GBE1: variants seen among roughly 807,000 people sequenced by gnomAD.
GBE1 encodes the protein 1,4-alpha-glucan-branching enzyme.
GBE1 carries 70 observed loss-of-function variants against 88.8 expected under a neutral mutation model. The ratio of observed to expected loss-of-function variants is 0.79; its 90% CI spans 0.65 to 0.96. The LOEUF (loss-of-function observed/expected upper bound fraction) is 0.96. Ranked by LOEUF, GBE1 falls within the 40% of genes least tolerant of loss-of-function variation. The pLI, the probability that GBE1 is intolerant of heterozygous loss-of-function variation, is 0.00. For missense variants in GBE1, 872 were observed against 871.0 expected, an observed-to-expected ratio of 1.00 and a Z score of -0.01; for synonymous variants, 284 against 300.1, an observed-to-expected ratio of 0.95 and a Z score of 0.56.
chr3:81,756,537 A>C (rs947142406), intron 1 of GBE1, among the ~76,000 whole-genome samples: 1 of 152,236 alleles, frequency 6.6e-6, no homozygotes, highest in Non-Finnish European at 1.5e-5. Context: ...TTATGAGAGC[A>C]AACAATCTAG....
At chr3:81,572,582 C>A (rs922556680) in intron 12 of GBE1, among the ~76,000 whole-genome samples, 2 of 151,868 alleles carry the variant, frequency 1.3e-5, no homozygotes, top group Non-Finnish European at 2.9e-5. Context: ...TACATTCTAC[C>A]TTGCCTGTCA....
chr3:81,611,799 A>G (rs528171430), intron 7 of GBE1, among the ~76,000 whole-genome samples: 1 of 152,322 alleles, frequency 6.6e-6, no homozygotes, highest in Non-Finnish European at 1.5e-5. Context: ...CAAGCATATA[A>G]TGAATAGCAT....
intron 1 of GBE1, among the ~76,000 whole-genome samples, chr3:81,748,028 G>A (rs1465210566): frequency 1.3e-5 from 2 of 152,300 alleles, no homozygotes; most frequent in African/African-American, 2.4e-5. Context: ...GTTGAAGCAG[G>A]AGAATCATTT....
intron 2 of GBE1, among the ~76,000 whole-genome samples, chr3:81,690,793 T>C (rs1183246524): frequency 6.6e-6 from 1 of 152,192 alleles, no homozygotes; most frequent in Non-Finnish European, 1.5e-5. Flanking sequence ...CTTTATCATC[T>C]TGCTGTTTTC....
rs958922156 is a variant in GBE1 at position 81,733,933 on chromosome 3, G to A, written c.143+27442C>T. Among the ~76,000 whole-genome samples the A allele has an allele frequency of 2.6e-5, 4 of 152,126 alleles. No individual in the cohort carries two copies. Among genetic ancestry groups the A allele is most frequent in the African/African-American group, 7.2e-5 (3 of 41,426 alleles). On this transcript the variant is annotated intron_variant, in intron 1 of 15. Coordinates refer to ENST00000429644, the MANE Select transcript of GBE1 (RefSeq NM_000158.4). This position sits in a 1 kb window ranked among gnomAD's most constrained non-coding sequence, Gnocchi z 4.0. The stretch of plus-strand genomic sequence containing the variant: ...CTGTTTCTACACTTGAACAAAAGGT[G>A]AGAGTTGTACAAATTTGCCTTTCCT...
intron 1 of GBE1, among the ~76,000 whole-genome samples, chr3:81,717,545 T>A (rs960318218): frequency 6.6e-6 from 1 of 152,134 alleles, no homozygotes; most frequent in African/African-American, 2.4e-5. Context: ...TCAAACACTG[T>A]CAAAAATGCT....
At chr3:81,699,033 A>G (rs889048618) in intron 2 of GBE1, among the ~76,000 whole-genome samples, 1 of 151,338 alleles carries the variant, frequency 6.6e-6, no homozygotes, top group Non-Finnish European at 1.5e-5. Context: ...ACTTCTCAGC[A>G]TAGGTACTGG....
At chr3:81,691,935 C>T (rs1246248685) in intron 2 of GBE1, among the ~76,000 whole-genome samples, 1 of 152,122 alleles carries the variant, frequency 6.6e-6, no homozygotes, top group African/African-American at 2.4e-5. Context: ...GGATCTGTAA[C>T]GAGTTGACGG....
chr3:81,497,945 G>C (rs1206908957), intron 15 of GBE1, among the ~76,000 whole-genome samples: 1 of 152,112 alleles, frequency 6.6e-6, no homozygotes, highest in Non-Finnish European at 1.5e-5. Context: ...ATTCCTTTAA[G>C]AATGTGATAG....
At chr3:81,636,728 C>G (rs1379342986) in intron 7 of GBE1, among the ~76,000 whole-genome samples, 1 of 152,004 alleles carries the variant, frequency 6.6e-6, no homozygotes, top group Non-Finnish European at 1.5e-5. Context: ...CAGGGTTTCT[C>G]TATATTGGTC....
chr3:81,512,432 T>A (rs973668889), intron 14 of GBE1, among the ~76,000 whole-genome samples: 1 of 151,896 alleles, frequency 6.6e-6, no homozygotes, highest in South Asian at 2.1e-4. Context: ...TCCACTAACA[T>A]TCATCTGTGC....
At chr3:81,551,000 C>G (rs1703264505) in intron 12 of GBE1, among the ~76,000 whole-genome samples, 1 of 152,146 alleles carries the variant, frequency 6.6e-6, no homozygotes, top group Non-Finnish European at 1.5e-5. Flanking sequence ...CTCTTGGGGT[C>G]TGTATAGGGA....
intron 12 of GBE1, among the ~76,000 whole-genome samples, chr3:81,569,112 C>G (rs1365772635): frequency 1.3e-5 from 2 of 152,008 alleles, no homozygotes; most frequent in Non-Finnish European, 2.9e-5. Context: ...TTTTATGGAA[C>G]ATTTATATTT....
At chr3:81,731,957 A>C (rs933932245) in intron 1 of GBE1, among the ~76,000 whole-genome samples, 2 of 152,082 alleles carry the variant, frequency 1.3e-5, no homozygotes, top group Non-Finnish European at 2.9e-5. Flanking sequence ...CTTAATTCCC[A>C]AAAAAACACT....
intron 11 of GBE1, among the ~76,000 whole-genome samples, chr3:81,580,527 A>C (rs1265436944): frequency 6.6e-6 from 1 of 152,144 alleles, no homozygotes; most frequent in Admixed American, 6.6e-5. Context: ...GGGATTTCAA[A>C]GTATTGAAGA....
intron 2 of GBE1, among the ~76,000 whole-genome samples, chr3:81,703,857 G>A (rs142650636): frequency 2.0e-5 from 3 of 151,960 alleles, no homozygotes; most frequent in African/African-American, 7.2e-5. Flanking sequence ...ATTGTATTGG[G>A]TATTGTAAAT....
intron 1 of GBE1, among the ~76,000 whole-genome samples, chr3:81,748,854 A>G (rs1706455728): frequency 2.0e-5 from 3 of 151,810 alleles, no homozygotes; most frequent in African/African-American, 7.3e-5. Context: ...TAAAAATACA[A>G]AAATTAGCTG....
At chr3:81,583,118 G>A in intron 10 of GBE1, among the ~76,000 whole-genome samples, 1 of 152,072 alleles carries the variant, frequency 6.6e-6, no homozygotes, top group East Asian at 1.9e-4. Context: ...ATAAGCACAT[G>A]TTTGGTATCC....
chr3:81,533,729 C>A (rs1703037918), intron 14 of GBE1, among the ~76,000 whole-genome samples: 1 of 151,874 alleles, frequency 6.6e-6, no homozygotes, highest in Non-Finnish European at 1.5e-5. Flanking sequence ...GATGTGAGAC[C>A]CAACTCTGGT....
Sources: gnomAD v4.1 joint callset for allele counts (sites outside exome capture counted in the v4.1 genomes callset) on GRCh38, gnomAD v4.1.1 for gene constraint, Gnocchi (gnomAD v3.1) non-coding constraint, MANE v1.5 for transcripts, NCBI Gene and HGNC (gene_info 2026-07-23, HGNC 2026-07-21) for gene names.